The following CHAT variants were observed in gnomAD, a reference collection of about 807,000 sequenced individuals.
The protein encoded by CHAT is choline O-acetyltransferase.
CHAT carries 61 observed loss-of-function variants against 76.9 expected under a neutral mutation model. That is an observed-to-expected ratio of 0.79 (90% confidence interval 0.65 to 0.98). CHAT has a LOEUF of 0.98. Among genes scored for constraint, CHAT ranks in the 50% least tolerant of loss-of-function variants. The pLI is 0.00. For synonymous variants in CHAT, 407 were observed against 397.4 expected, an observed-to-expected ratio of 1.02 and a Z score of -0.29; for missense variants, 946 against 986.9, an observed-to-expected ratio of 0.96 and a Z score of 0.56.
At chr10:49,615,875 C>T (rs866420908) in intron 1 of CHAT, 11 of 645,048 alleles carry the variant, frequency 1.7e-5, no homozygotes, top group African/African-American at 1.5e-4. Flanking sequence ...CCCGAGACTG[C>T]CTAGGTCACA....
At chr10:49,661,278 G>A (rs1489851428) in intron 13 of CHAT, 1 of 152,180 alleles carries the variant, frequency 6.6e-6, no homozygotes, top group East Asian at 1.9e-4. Context: ...TGAAAAGAGG[G>A]GTGAGTTGAC....
intron 7 of CHAT, among the ~76,000 whole-genome samples, chr10:49,630,748 T>C (rs936104744): frequency 2.6e-5 from 4 of 152,060 alleles, no homozygotes; most frequent in Admixed American, 6.5e-5. Context: ...CAAAAGGAGA[T>C]AGAACTCAGA....
Position 49,660,612 on chromosome 10 carries a change from G to A in CHAT, c.1840-2033G>A, listed in dbSNP as rs114365495. On this transcript the variant is annotated intron_variant, in intron 13 of 14. Transcript: ENST00000337653. ...AATTACCTTTGTGGGGTAGGAATCC[G>A]TGCTGGCAAAATGACCTAGGCTTTT... Among the ~76,000 whole-genome samples, 1,101 of 152,274 alleles carry A rather than the reference G, an allele frequency of 7.2e-3. 14 individuals are homozygous for A. The highest frequency in any genetic ancestry group is 0.025 in the African/African-American group (1,056 of 41,544).
intron 11 of CHAT, among the ~76,000 whole-genome samples, chr10:49,653,654 C>G (rs929599923): frequency 6.6e-6 from 1 of 152,212 alleles, no homozygotes; most frequent in Non-Finnish European, 1.5e-5. Context: ...ACTGGGCTTG[C>G]TGCTGAGACT....
At chr10:49,625,751 C>G in intron 6 of CHAT, 98 bp downstream of exon 6, 1 of 1,280,340 alleles carries the variant, frequency 7.8e-7, no homozygotes, top group Non-Finnish European at 1.1e-6. Context: ...GCCTCCTTCC[C>G]TGAGTCACAC....
Position 49,662,677 on chromosome 10 carries a change from G to T in CHAT, c.1872G>T (p.Leu624=). Residue 624 remains leucine, a synonymous_variant, in exon 14 of 15, where the codon CTG becomes CTT. Coordinates refer to ENST00000337653, the MANE Select transcript of CHAT (RefSeq NM_020549.5). ...AITGMAIDNH[L]LALRELARAM... is the part of the protein sequence containing the mutation. ...CAGGGATGGCCATTGACAACCACCT[G>T]CTGGCACTGCGGGAGCTGGCCCGGG... The T allele has an allele frequency of 6.2e-7, 1 of 1,614,214 alleles. No individual in the cohort carries two copies. Among genetic ancestry groups the T allele is most frequent in the African/African-American group, 1.3e-5 (1 of 75,064 alleles).
chr10:49,643,632 A>T (rs1839560815), intron 7 of CHAT, among the ~76,000 whole-genome samples: 1 of 152,012 alleles, frequency 6.6e-6, no homozygotes, highest in South Asian at 2.1e-4. Context: ...TCCCAGCCTC[A>T]CCCTACCCCC....
upstream of CHAT, chr10:49,612,057 A>G (rs1401360073): frequency 1.9e-6 from 3 of 1,613,602 alleles, no homozygotes; most frequent in South Asian, 3.3e-5. Flanking sequence ...CCATAGTGGC[A>G]GGCCACATTG....
At chr10:49,653,519 C>T (rs1482244538) in intron 11 of CHAT, among the ~76,000 whole-genome samples, 1 of 152,186 alleles carries the variant, frequency 6.6e-6, no homozygotes, top group Admixed American at 6.5e-5. Flanking sequence ...CAGGCAGCAC[C>T]CGTGTAGACA....
rs540106294 is a variant in CHAT, at chr10:49,633,420, G to A, written c.1111+5635G>A. ...GGTGGGATTTTATTCCCACTGAACC[G>A]AGGAAGAGGCTATGTCTGTCTCCTT... On this transcript the variant is annotated intron_variant, in intron 7 of 14. Coordinates refer to ENST00000337653, the MANE Select transcript of CHAT (RefSeq NM_020549.5). Among the ~76,000 whole-genome samples, 221 of 152,200 alleles carry A rather than the reference G, an allele frequency of 1.5e-3. 1 individual carries two copies. The highest frequency in any genetic ancestry group is 4.5e-3 in the African/African-American group (187 of 41,532).
chr10:49,659,804 G>A (rs1840137897), intron 13 of CHAT, among the ~76,000 whole-genome samples: 1 of 152,134 alleles, frequency 6.6e-6, no homozygotes. Flanking sequence ...GGAAGTTGCA[G>A]TCAGCCGAGA....
Position 49,619,925 on chromosome 10 carries a change from G to C in CHAT, c.579+9G>C, listed in dbSNP as rs373915715. The C allele has an allele frequency of 6.2e-7, 1 of 1,608,544 alleles. No individual in the cohort carries two copies. Among genetic ancestry groups the C allele is most frequent in the Non-Finnish European group, 8.5e-7 (1 of 1,178,054 alleles). ...AGAAGACAGCCAACTGGGTAAGAGG[G>C]GCAGACAAGGAACCCATAGAAGAGG... On this transcript the variant is annotated intron_variant, in intron 3 of 14. Transcript: ENST00000337653.
In CHAT at chr10:49,625,668, G is replaced by A. The variant is rs1172848364; in HGVS notation, c.933+15G>A. 1.9e-6 allele frequency: 3 copies of A among 1,557,588 alleles called. No homozygotes were observed. Among genetic ancestry groups the A allele is most frequent in the Admixed American group, 3.9e-5 (2 of 51,616 alleles). On this transcript the variant is annotated intron_variant, in intron 6 of 14. Transcript: ENST00000337653. The stretch of plus-strand genomic sequence containing the variant: ...GCTGCAATCAGGTAAGCAACCCCTT[G>A]TCTTGGTGAGGGAGGGCACAGAGCA...
chr10:49,652,309 G>A lies in CHAT; in HGVS notation c.1634+303G>A, dbSNP rs528504113. Among the ~76,000 whole-genome samples the A allele has an allele frequency of 2.6e-5, 4 of 152,126 alleles. No individual in the cohort carries two copies. The East Asian group carries it at 7.7e-4, about 29-fold the overall frequency. ...GATGAGGACCATGGTTGGGGTTGGG[G>A]GGCTGCTCTCCATCCCAACTTCCCC... On this transcript the variant is annotated intron_variant, in intron 11 of 14. Transcript: ENST00000337653.
At chr10:49,615,496 C>A (rs1013827533) in intron 1 of CHAT, among the ~76,000 whole-genome samples, 2 of 152,214 alleles carry the variant, frequency 1.3e-5, no homozygotes, top group Non-Finnish European at 2.9e-5. Flanking sequence ...CTGGCAACAA[C>A]CCTGCCAGGT....
chr10:49,640,826 G>A (rs533451297), intron 7 of CHAT, among the ~76,000 whole-genome samples: 1 of 152,278 alleles, frequency 6.6e-6, no homozygotes, highest in Admixed American at 6.5e-5. Flanking sequence ...GAGAGAGCAG[G>A]CTTTTGTTGA....
chr10:49,611,369 G>C (rs768936233), upstream of CHAT: 1 of 1,599,954 alleles, frequency 6.3e-7, no homozygotes, highest in South Asian at 1.1e-5. Context: ...GAGCCGGAGC[G>C]CAGTCGTGCA....
chr10:49,660,100 T>C (rs562314002), intron 13 of CHAT, among the ~76,000 whole-genome samples: 2 of 152,232 alleles, frequency 1.3e-5, no homozygotes, highest in South Asian at 4.2e-4. Context: ...ATAATCTTAT[T>C]GGGAAGATGG....
At chr10:49,626,098 G>A (rs1838912397) in intron 6 of CHAT, among the ~76,000 whole-genome samples, 1 of 152,186 alleles carries the variant, frequency 6.6e-6, no homozygotes, top group South Asian at 2.1e-4. Flanking sequence ...CATGCAGAGG[G>A]GGCCTTAGGA....
Sources: allele counts gnomAD v4.1 joint callset (sites outside exome capture counted in the v4.1 genomes callset), GRCh38; gene constraint gnomAD v4.1.1; transcripts MANE v1.5; gene names NCBI Gene and HGNC (gene_info 2026-07-23, HGNC 2026-07-21).